GTF3C1: variants seen among roughly 807,000 people sequenced by gnomAD.
GTF3C1 encodes general transcription factor 3C polypeptide 1.
A neutral mutation model predicts 226.7 loss-of-function variants in GTF3C1; 57 were observed. The observed-to-expected ratio is 0.25, with a 90% CI of 0.20 to 0.31. The LOEUF is 0.31. GTF3C1 is among the 10% of genes least tolerant of loss of function. The pLI is 1.00. For missense variants in GTF3C1, 2,217 were observed against 2,776.1 expected, an observed-to-expected ratio of 0.80 and a Z score of 4.53; for synonymous variants, 1,090 against 1,084.8, an observed-to-expected ratio of 1.00 and a Z score of -0.09.
intron 24 of GTF3C1, among the ~76,000 whole-genome samples, chr16:27,485,119 A>G (rs947063479): frequency 6.6e-6 from 1 of 152,244 alleles, no homozygotes; most frequent in African/African-American, 2.4e-5. Context: ...TTGGGATGGA[A>G]TTCAGGAGAG....
Position 27,501,364 on chromosome 16 carries a change from C to G in GTF3C1, c.1908-20G>C. 1 of 1,611,940 alleles carries G rather than the reference C, an allele frequency of 6.2e-7. No homozygotes were observed. Among genetic ancestry groups the G allele is most frequent in the Non-Finnish European group, 8.5e-7 (1 of 1,178,382 alleles). On this transcript the variant is annotated intron_variant, in intron 11 of 36. Transcript: ENST00000356183. ...TGAATCCTGGGCATCACAAAATAAG[C>G]AGATAACACTCCCAATCTCAACATG...
Position 27,464,897 on chromosome 16 carries a change from G to A in GTF3C1, c.5356-61C>T, listed in dbSNP as rs530012376. On this transcript the variant is annotated intron_variant, in intron 33 of 36. Coordinates refer to ENST00000356183, the MANE Select transcript of GTF3C1 (RefSeq NM_001520.4). ...GCTCGGGATCCTCCACGCTGGTGAC[G>A]GGGGACGAGTGGAGTGGCCTCCCCT... The A allele has an allele frequency of 1.7e-4, 231 of 1,366,600 alleles. 6 individuals carry two copies. In the South Asian group the frequency reaches 2.7e-3, roughly 16 times the overall value. The allele number at this position is 1,366,600 out of a possible 1,614,324, so 84.7% of individuals were successfully genotyped here. A position where few individuals can be genotyped will look rare whatever the true frequency, so the allele number is the denominator to read the frequency against.
Position 27,461,187 on chromosome 16 carries a change from T to C in GTF3C1, c.*163A>G. On this transcript the variant is annotated 3_prime_UTR_variant, in exon 37 of 37. Coordinates refer to ENST00000356183, the MANE Select transcript of GTF3C1 (RefSeq NM_001520.4). The surrounding 1 kb of genome is among the most constrained non-coding windows in gnomAD (Gnocchi z 5.3). ...GGAGCCCCTCTTTCCAGAGTTCCAG[T>C]ACAGTGGGAAACGTGTCAGTCTGTG... The C allele has an allele frequency of 5.1e-6, 3 of 589,638 alleles. No individual in the cohort carries two copies. The allele number at this position is 589,638 out of a possible 1,614,324, so 36.5% of individuals were successfully genotyped here.
At chr16:27,475,526 G>C (rs2087938725) in intron 29 of GTF3C1, among the ~76,000 whole-genome samples, 1 of 152,138 alleles carries the variant, frequency 6.6e-6, no homozygotes, top group African/African-American at 2.4e-5. Flanking sequence ...ACTGGCAGGG[G>C]ACCCTCAGCA....
chr16:27,547,095 TCTGAC>T (rs747939202), intron 1 of GTF3C1, among the ~76,000 whole-genome samples: 56 of 152,214 alleles, frequency 3.7e-4, no homozygotes, highest in Non-Finnish European at 6.2e-4. Flanking sequence ...AGAACACCAC[TCTGAC>T]CTGACTGTCC....
intron 26 of GTF3C1, 124 bp downstream of exon 26, chr16:27,482,920 G>A (rs1278243603): frequency 1.3e-6 from 1 of 758,380 alleles, no homozygotes; most frequent in Non-Finnish European, 2.2e-6. Context: ...TTTCTCAAGT[G>A]AGCAGGAAAC....
At position 27,463,605 on chromosome 16, in the gene GTF3C1, G is replaced by A. The variant is rs751996999; in HGVS notation, c.5873-13C>T. On this transcript the variant is annotated splice_polypyrimidine_tract_variant and intron_variant, in intron 34 of 36. Coordinates refer to ENST00000356183, the MANE Select transcript of GTF3C1 (RefSeq NM_001520.4). The surrounding 1 kb of genome is among the most constrained non-coding windows in gnomAD (Gnocchi z 4.9). ...CTCTCTGTGAACCCTGAGGGAAGAG[G>A]AAGAGAATGTGAGAGACTCGGAAAG... is the stretch of plus-strand genomic sequence containing the variant. 3.2e-6 allele frequency: 5 copies of A among 1,552,686 alleles called. No homozygotes were observed. Among genetic ancestry groups the A allele is most frequent in the Non-Finnish European group, 4.4e-6 (5 of 1,123,672 alleles).
At chr16:27,498,443 T>C (rs2088354037) in intron 13 of GTF3C1, among the ~76,000 whole-genome samples, 187 bp downstream of exon 13, 1 of 152,202 alleles carries the variant, frequency 6.6e-6, no homozygotes, top group Non-Finnish European at 1.5e-5. Context: ...ATTAGGACTT[T>C]TTTTTTCCCC....
In GTF3C1 at chr16:27,461,407, G is replaced by A; in HGVS notation, c.6273C>T (p.Leu2091=). The A allele has an allele frequency of 6.2e-7, 1 of 1,614,034 alleles. No individual in the cohort carries two copies. Among genetic ancestry groups the A allele is most frequent in the South Asian group, 1.1e-5 (1 of 91,084 alleles). ...AFYEPTLDCT[L]RLGRVFPHEV... ...CGTGGGGGAACACACGGCCCAGCCG[G>A]AGGGTACAGTCCAAGGTGGGCTCAT... Residue 2091 remains leucine, a synonymous_variant, in exon 37 of 37, where the codon CTC becomes CTT. Coordinates refer to ENST00000356183, the MANE Select transcript of GTF3C1 (RefSeq NM_001520.4). This position sits in a 1 kb window ranked among gnomAD's most constrained non-coding sequence, Gnocchi z 5.3.
Position 27,534,170 on chromosome 16 carries a change from T to C in GTF3C1, c.753-783A>G, listed in dbSNP as rs566849818. On this transcript the variant is annotated intron_variant, in intron 4 of 36. Coordinates refer to ENST00000356183, the MANE Select transcript of GTF3C1 (RefSeq NM_001520.4). ...GACGCCACTCTGAAGCTCCGGTTCCTGCTCCTGACTACACTGGCGTGGCAG... is the reference window on the plus strand; with the variant it reads ...GACGCCACTCTGAAGCTCCGGTTCCCGCTCCTGACTACACTGGCGTGGCAG... Among the ~76,000 whole-genome samples the C allele has an allele frequency of 6.6e-5, 10 of 152,366 alleles. No homozygotes were observed. The East Asian group carries it at 1.9e-3, about 29-fold the overall frequency.
intron 25 of GTF3C1, chr16:27,483,560 GGA>G (rs2088089621): frequency 2.3e-6 from 1 of 441,786 alleles, no homozygotes; most frequent in Non-Finnish European, 4.6e-6. Context: ...CATGATATAA[GGA>G]GAGCCTGACT....
Position 27,462,131 on chromosome 16 carries a change from G to T in GTF3C1, c.6117+163C>A. On this transcript the variant is annotated intron_variant, in intron 36 of 36. Coordinates refer to ENST00000356183, the MANE Select transcript of GTF3C1 (RefSeq NM_001520.4). The surrounding 1 kb of genome is among the most constrained non-coding windows in gnomAD (Gnocchi z 4.5). ...CAGCATGGAGCTGGTGAAGGACACTGAGGGACAGCCTGAGAGGCAGGAGCC... is the reference window on the plus strand; with the variant it reads ...CAGCATGGAGCTGGTGAAGGACACTTAGGGACAGCCTGAGAGGCAGGAGCC... 1 of 610,372 alleles carries T rather than the reference G, an allele frequency of 1.6e-6. No homozygotes were observed. The highest frequency in any genetic ancestry group is 1.8e-5 in the African/African-American group (1 of 54,262). 37.8% of individuals were successfully genotyped at this position (610,372 alleles called of 1,614,324 possible).
rs776593481 is a variant in GTF3C1 at position 27,465,249 on chromosome 16, G to A, written c.5355+11C>T. On this transcript the variant is annotated intron_variant, in intron 33 of 36. Transcript: ENST00000356183. Reference sequence around the variant, plus strand: ...TTCGGTGATATCCGGCTAACCTAAAGCACAGCTCACCTGGATGCAATCTGC... The same window carrying A: ...TTCGGTGATATCCGGCTAACCTAAAACACAGCTCACCTGGATGCAATCTGC... 2 of 1,613,106 alleles carry A rather than the reference G, an allele frequency of 1.2e-6. No individual in the cohort carries two copies. The highest frequency in any genetic ancestry group is 2.7e-5 in the African/African-American group (2 of 74,902).
At chr16:27,496,856 C>A (rs1288653436) in intron 14 of GTF3C1, among the ~76,000 whole-genome samples, 1 of 152,208 alleles carries the variant, frequency 6.6e-6, no homozygotes, top group African/African-American at 2.4e-5. Flanking sequence ...GGAACACCCG[C>A]GCTGCCCCTG....
At chr16:27,504,847 C>T (rs995561563) in intron 10 of GTF3C1, among the ~76,000 whole-genome samples, 1 of 152,190 alleles carries the variant, frequency 6.6e-6, no homozygotes, top group Admixed American at 6.5e-5. Context: ...AGGAGGATCA[C>T]TTGAGCTCAG....
In GTF3C1 at chr16:27,545,029, G is replaced by A. The variant is rs563328843; in HGVS notation, c.431+285C>T. Among the ~76,000 whole-genome samples the A allele has an allele frequency of 1.8e-4, 27 of 148,976 alleles. No homozygotes were observed. In the South Asian group the frequency reaches 2.7e-3, roughly 15 times the overall value. ...ACTCTGTTGCCTAGGCTGAAGTGCA[G>A]TGGCATGACCTCGGCTCACTGCAGC... On this transcript the variant is annotated intron_variant, in intron 2 of 36. Transcript: ENST00000356183.
Position 27,497,774 on chromosome 16 carries a change from T to C in GTF3C1, c.2213A>G (p.Asp738Gly). 1.2e-6 allele frequency: 2 copies of C among 1,614,136 alleles called. No individual in the cohort carries two copies. Among genetic ancestry groups the C allele is most frequent in the Non-Finnish European group, 1.7e-6 (2 of 1,179,978 alleles). The change falls in exon 14 of 37, where the codon GAC becomes GGC. Residue 738 changes from aspartate to glycine, a missense_variant. Physicochemically the swap from Asp to Gly is moderately conservative, Grantham distance 94 (BLOSUM62 -1). This residue lies in a region of GTF3C1 where 100 missense variants were observed against 139.9 expected (regional missense o/e 0.71). Coordinates refer to ENST00000356183, the MANE Select transcript of GTF3C1 (RefSeq NM_001520.4). ...PPVPQGEAEE[D>G]SQGKEGPSGS... ...ACTTGGGCCCTCTTTTCCTTGACTG[T>C]CTTCTTCTGCCTCCCCTTGGGGCAC... is the stretch of plus-strand genomic sequence containing the variant.
rs188680494 is a variant in GTF3C1, at chr16:27,520,863, C to T, written c.973+7735G>A. 1.2e-3 allele frequency among the ~76,000 whole-genome samples: 189 copies of T among 152,272 alleles called. 3 individuals are homozygous for T. Among genetic ancestry groups the T allele is most frequent in the Admixed American group, 9.9e-3 (151 of 15,302 alleles). On this transcript the variant is annotated intron_variant, in intron 6 of 36. Transcript: ENST00000356183. ...CCTCCCAAGTAGCTGGGATTACAGG[C>T]ACCTGCCACCATGCCCAACTAATTT...
intron 14 of GTF3C1, among the ~76,000 whole-genome samples, chr16:27,496,654 T>C (rs571734231): frequency 3.9e-5 from 6 of 152,344 alleles, no homozygotes; most frequent in South Asian, 2.1e-4. Context: ...TATGCTCCAC[T>C]TGGCCTCCCA....
Sources: gnomAD v4.1 joint callset for allele counts (sites outside exome capture counted in the v4.1 genomes callset) on GRCh38, gnomAD v4.1.1 for gene constraint, gnomAD v4.1.1 regional missense constraint, Gnocchi (gnomAD v3.1) non-coding constraint, MANE v1.5 for transcripts, NCBI Gene and HGNC (gene_info 2026-07-23, HGNC 2026-07-21) for gene names.